Variants in KDM4C observed in about 807,000 individuals in gnomAD.
KDM4C encodes lysine demethylase 4C.
In KDM4C, 81 loss-of-function variants were observed where a neutral mutation model predicts 129.3. The observed-to-expected ratio is 0.63, with a 90% CI of 0.52 to 0.75. The LOEUF (loss-of-function observed/expected upper bound fraction) is 0.75. KDM4C is among the 30% of genes least tolerant of loss of function. The pLI is 0.00. For missense variants in KDM4C, 1,457 were observed against 1,304.0 expected (o/e 1.12, Z -1.81); for synonymous variants, 573 against 456.1 (o/e 1.26, Z -3.26).
rs541887002 is a variant in KDM4C at position 6,841,038 on chromosome 9, T to C, written c.436-8469T>C. 3.3e-5 allele frequency among the ~76,000 whole-genome samples: 5 copies of C among 152,326 alleles called. No individual in the cohort carries two copies. In the South Asian group the frequency reaches 1.0e-3, roughly 32 times the overall value. ...GTCCTGCCCATCTGTATATTCTTTT[T>C]GATGACTTCGTTAAGTTACGGGGTA... is the stretch of plus-strand genomic sequence containing the variant. On this transcript the variant is annotated intron_variant, in intron 4 of 21. Coordinates refer to ENST00000381309, the MANE Select transcript of KDM4C (RefSeq NM_015061.6).
intron 1 of KDM4C, among the ~76,000 whole-genome samples, chr9:6,733,470 G>C (rs755841651): frequency 6.6e-6 from 1 of 152,220 alleles, no homozygotes; most frequent in Non-Finnish European, 1.5e-5. Flanking sequence ...CCAGTACTGA[G>C]AGATCAGACT....
intron 2 of KDM4C, 43 bp downstream of exon 2, chr9:6,793,175 C>A: frequency 6.3e-7 from 1 of 1,583,518 alleles, no homozygotes; most frequent in Non-Finnish European, 8.6e-7. Context: ...AATCACTTGG[C>A]CTTTAATTTA....
At chr9:6,917,324 T>C (rs1468465670) in intron 8 of KDM4C, among the ~76,000 whole-genome samples, 2 of 152,250 alleles carry the variant, frequency 1.3e-5, no homozygotes, top group Non-Finnish European at 2.9e-5. Context: ...AACTGTAGCA[T>C]GCACTTGGAC....
intron 8 of KDM4C, chr9:6,941,820 G>A (rs1825995956): frequency 6.6e-6 from 1 of 152,142 alleles, no homozygotes; most frequent in South Asian, 2.1e-4. Flanking sequence ...CTGCAGATGT[G>A]AGCAAGTGTG....
intron 8 of KDM4C, among the ~76,000 whole-genome samples, chr9:6,957,281 C>G (rs1272526259): frequency 6.6e-6 from 1 of 152,078 alleles, no homozygotes; most frequent in Non-Finnish European, 1.5e-5. Context: ...TATCACAAGT[C>G]CTTTTCTATG....
intron 8 of KDM4C, among the ~76,000 whole-genome samples, chr9:6,918,167 C>G (rs181766959): frequency 2.0e-5 from 3 of 152,080 alleles, no homozygotes; most frequent in Non-Finnish European, 2.9e-5. Context: ...TAGCCTTTGC[C>G]GTACTCCCTC....
intron 3 of KDM4C, among the ~76,000 whole-genome samples, chr9:6,808,870 T>G (rs1427907258): frequency 6.6e-6 from 1 of 152,010 alleles, no homozygotes; most frequent in Non-Finnish European, 1.5e-5. Flanking sequence ...ACAATTATTA[T>G]TATTAAACTT....
At chr9:7,124,649 C>T (rs543324574) in intron 18 of KDM4C, among the ~76,000 whole-genome samples, 1 of 152,288 alleles carries the variant, frequency 6.6e-6, no homozygotes, top group African/African-American at 2.4e-5. Flanking sequence ...ATACTGTCAC[C>T]TAGCTGTTAA....
intron 3 of KDM4C, among the ~76,000 whole-genome samples, chr9:6,811,021 C>T (rs976465311): frequency 1.3e-5 from 2 of 152,028 alleles, no homozygotes; most frequent in Admixed American, 1.3e-4. Context: ...TTTCAAATGC[C>T]AAGGAAATGG....
intron 18 of KDM4C, among the ~76,000 whole-genome samples, chr9:7,110,594 C>G (rs969662015): frequency 6.6e-6 from 1 of 152,142 alleles, no homozygotes; most frequent in Non-Finnish European, 1.5e-5. Context: ...CCTCTACGCG[C>G]TTGGATCCAC....
At chr9:6,827,646 T>C (rs1332625748) in intron 4 of KDM4C, among the ~76,000 whole-genome samples, 2 of 152,242 alleles carry the variant, frequency 1.3e-5, no homozygotes, top group Non-Finnish European at 2.9e-5. Flanking sequence ...TTCCATTTTT[T>C]ATTTTTATCA....
intron 5 of KDM4C, among the ~76,000 whole-genome samples, chr9:6,858,054 C>G (rs992293500): frequency 2.0e-5 from 3 of 151,144 alleles, no homozygotes; most frequent in Admixed American, 6.6e-5. Flanking sequence ...CTCCTAAGCT[C>G]AAGCACTCTT....
chr9:6,793,604 A>G (rs1260552297), intron 2 of KDM4C, among the ~76,000 whole-genome samples: 1 of 146,354 alleles, frequency 6.8e-6, no homozygotes, highest in African/African-American at 2.5e-5. Context: ...CAATGGCGTG[A>G]TCTCGGCTCA....
chr9:7,027,831 C>T (rs1587025283), intron 15 of KDM4C, among the ~76,000 whole-genome samples: 1 of 152,204 alleles, frequency 6.6e-6, no homozygotes, highest in Admixed American at 6.5e-5. Context: ...ACCTTTCTTT[C>T]CCATTTCTAC....
At chr9:6,904,901 A>G (rs917854395) in intron 8 of KDM4C, among the ~76,000 whole-genome samples, 1 of 152,224 alleles carries the variant, frequency 6.6e-6, no homozygotes, top group African/African-American at 2.4e-5. Context: ...AAAAGAAAAA[A>G]AAACCTAGCT....
At chr9:6,873,428 A>G (rs2130688699) in intron 5 of KDM4C, among the ~76,000 whole-genome samples, 1 of 152,352 alleles carries the variant, frequency 6.6e-6, no homozygotes, top group Non-Finnish European at 1.5e-5. Flanking sequence ...AGCCACCTTC[A>G]TTAATGATCT....
chr9:6,824,231 T>C (rs1274330834), intron 4 of KDM4C, among the ~76,000 whole-genome samples: 1 of 152,256 alleles, frequency 6.6e-6, no homozygotes, highest in Non-Finnish European at 1.5e-5. Context: ...CTATTTCTTC[T>C]GCAGTAGACT....
Position 7,103,877 on chromosome 9 carries a change from T to C in KDM4C, c.2610+7T>C, listed in dbSNP as rs750671972. On this transcript the variant is annotated splice_region_variant and intron_variant, in intron 18 of 21. Transcript: ENST00000381309. Reference sequence around the variant, plus strand: ...TAAGGTCAACCCCAACGTGGTAAGATGTGCCCTCCCTTCCTCAGTGCTAAG... The same window carrying C: ...TAAGGTCAACCCCAACGTGGTAAGACGTGCCCTCCCTTCCTCAGTGCTAAG... 1 of 1,613,178 alleles carries C rather than the reference T, an allele frequency of 6.2e-7. No individual in the cohort carries two copies. The highest frequency in any genetic ancestry group is 1.1e-5 in the South Asian group (1 of 91,058).
In KDM4C at chr9:7,019,398, A is replaced by G. The variant is rs193187095; in HGVS notation, c.2259+3469A>G. ...AATAGTGCAGCTGAAGTCAGATGAT[A>G]TTTCATTGGTGGCTTGTAGTTCACT... is the stretch of plus-strand genomic sequence containing the variant. On this transcript the variant is annotated intron_variant, in intron 15 of 21. Coordinates refer to ENST00000381309, the MANE Select transcript of KDM4C (RefSeq NM_015061.6). Among the ~76,000 whole-genome samples, 327 of 152,082 alleles carry G rather than the reference A, an allele frequency of 2.2e-3. 3 individuals are homozygous for G. Among genetic ancestry groups the G allele is most frequent in the East Asian group, 0.018 (92 of 5,166 alleles).
Sources: gnomAD v4.1 joint callset for allele counts (sites outside exome capture counted in the v4.1 genomes callset) on GRCh38, gnomAD v4.1.1 for gene constraint, MANE v1.5 for transcripts, NCBI Gene and HGNC (gene_info 2026-07-23, HGNC 2026-07-21) for gene names.